GRK1: variants seen among roughly 807,000 people sequenced by gnomAD.
GRK1 encodes the protein rhodopsin kinase GRK1.
GRK1 carries 28 observed loss-of-function variants against 41.7 expected under a neutral mutation model. The observed-to-expected ratio is 0.67, with a 90% CI of 0.50 to 0.92. The LOEUF (loss-of-function observed/expected upper bound fraction) is 0.92, where lower values mean the gene tolerates loss of function less well. Among genes scored for constraint, GRK1 ranks in the 40% least tolerant of loss-of-function variants. GRK1 has a pLI of 0.00. For synonymous variants in GRK1, 327 were observed against 286.7 expected (o/e 1.14, Z -1.42); for missense variants, 703 against 671.2 (o/e 1.05, Z -0.52).
chr13:113,671,748 G>A lies in GRK1; in HGVS notation c.985+92G>A. Reference sequence around the variant, plus strand: ...GTCTCTGCACAACCTCACGAGGGCTGACGGCTGTGTGGACGGTGGGGGTTC... The same window carrying A: ...GTCTCTGCACAACCTCACGAGGGCTAACGGCTGTGTGGACGGTGGGGGTTC... On this transcript the variant is annotated intron_variant, in intron 3 of 6. Transcript: ENST00000335678. The surrounding 1 kb of genome is among the most constrained non-coding windows in gnomAD (Gnocchi z 4.1). The A allele has an allele frequency of 1.4e-6, 1 of 691,582 alleles. No homozygotes were observed. The highest frequency in any genetic ancestry group is 2.7e-5 in the East Asian group (1 of 37,020). The allele number at this position is 691,582 out of a possible 1,614,324, so 42.8% of individuals were successfully genotyped here.
In GRK1 at chr13:113,727,997, T is replaced by TGAG. The variant is rs745848296; in HGVS notation, c.1070-3221_1070-3219dup. On this transcript the variant is annotated intron_variant, in intron 4 of 6. Transcript: ENST00000335678. Reference sequence around the variant, plus strand: ...TGGCGATGAGGAGTACCCATGGCGATGAGTACCCATGGCGATGAGGAGTAC... The same window carrying TGAG: ...TGGCGATGAGGAGTACCCATGGCGATGAGGAGTACCCATGGCGATGAGGAGTAC... Among the ~76,000 whole-genome samples, 41 of 31,628 alleles carry TGAG rather than the reference T, an allele frequency of 1.3e-3. 2 individuals carry two copies. The highest frequency in any genetic ancestry group is 1.8e-3 in the Admixed American group (4 of 2,268). The allele number at this position is 31,628 out of a possible 152,430, so 20.7% of individuals were successfully genotyped here.
the GRK1 span, among the ~76,000 whole-genome samples, chr13:113,656,940 C>A: frequency 3.3e-5 from 5 of 152,156 alleles, no homozygotes; most frequent in Admixed American, 3.3e-4. Flanking sequence ...CCCGCTCTGC[C>A]GCCCCGCCTG....
intron 3 of GRK1, among the ~76,000 whole-genome samples, chr13:113,672,291 C>CT (rs1203814141): frequency 6.9e-6 from 1 of 144,742 alleles, no homozygotes; most frequent in Admixed American, 6.9e-5. Flanking sequence ...GTGTGTAAGT[C>CT]TGACTGGGGT....
rs550074734 is a variant in GRK1 at position 113,733,832 on chromosome 13, C to G, written c.1396+747C>G. Among the ~76,000 whole-genome samples, 7 of 105,666 alleles carry G rather than the reference C, an allele frequency of 6.6e-5. No individual in the cohort carries two copies. In the South Asian group the frequency reaches 2.4e-3, roughly 37 times the overall value. 69.3% of individuals were successfully genotyped at this position (105,666 alleles called of 152,430 possible). A position where few individuals can be genotyped will look rare whatever the true frequency, so the allele number is the denominator to read the frequency against. On this transcript the variant is annotated intron_variant, in intron 6 of 6. Transcript: ENST00000335678. ...GTGCATACGTGTGTGCGTGTGTGTG[C>G]ACGTGCGTGTGCATGTGTATGTGTG...
chr13:113,662,043 C>A, the GRK1 span, among the ~76,000 whole-genome samples: 1 of 152,138 alleles, frequency 6.6e-6, no homozygotes, highest in Non-Finnish European at 1.5e-5. Context: ...AGATCAATAT[C>A]CCTCATGAAT....
At chr13:113,656,287 G>A in the GRK1 span, among the ~76,000 whole-genome samples, 2 of 152,268 alleles carry the variant, frequency 1.3e-5, no homozygotes, top group Non-Finnish European at 2.9e-5. Context: ...CGCTCGTGAC[G>A]GCAGGGGTCT....
intron 4 of GRK1, among the ~76,000 whole-genome samples, chr13:113,727,977 AT>A: frequency 1.1e-5 from 1 of 88,856 alleles, no homozygotes; most frequent in East Asian, 3.5e-4. Context: ...ACCCATGGCG[AT>A]GAGGAGTACC....
rs146857547 is a variant in GRK1 at position 113,734,235 on chromosome 13, C to T, written c.1397-833C>T. 4.4e-4 allele frequency among the ~76,000 whole-genome samples: 67 copies of T among 152,306 alleles called. 1 individual carries two copies. In the East Asian group the frequency reaches 8.5e-3, roughly 19 times the overall value. On this transcript the variant is annotated intron_variant, in intron 6 of 6. Transcript: ENST00000335678. ...GACCCCCCAAACGAGAAGTCGCTTT[C>T]GTATGTTAGGGTCACAGCAGTGACT...
chr13:113,648,557 A>G, the GRK1 span, among the ~76,000 whole-genome samples: 1 of 152,218 alleles, frequency 6.6e-6, no homozygotes, highest in African/African-American at 2.4e-5. Context: ...GTTTGGGAGA[A>G]TGTTCTCATT....
chr13:113,654,514 C>T, the GRK1 span, among the ~76,000 whole-genome samples: 1 of 152,230 alleles, frequency 6.6e-6, no homozygotes, highest in Non-Finnish European at 1.5e-5. Context: ...ATAACAAAAC[C>T]CTTCTGTTTC....
Position 113,735,289 on chromosome 13 carries a change from A to T in GRK1, c.1618A>T (p.Met540Leu), listed in dbSNP as rs953215841. 10 of 1,535,582 alleles carry T rather than the reference A, an allele frequency of 6.5e-6. No homozygotes were observed. Among genetic ancestry groups the T allele is most frequent in the Non-Finnish European group, 8.7e-6 (10 of 1,145,810 alleles). Residue 540 changes from methionine (M) to leucine (L), a missense_variant, in exon 7 of 7, where the codon ATG becomes TTG. Coordinates refer to ENST00000335678, the MANE Select transcript of GRK1 (RefSeq NM_002929.3). ...GAACGTGTGGCGCTCGGACGGTCAG[A>T]TGCCGGACGACATGAAGGGCATCTC... ...ELNVWRSDGQ[M>L]PDDMKGISGG...
chr13:113,653,802 G>T, the GRK1 span, among the ~76,000 whole-genome samples: 1 of 152,242 alleles, frequency 6.6e-6, no homozygotes, highest in Non-Finnish European at 1.5e-5. Context: ...ACTGGTTTTG[G>T]TTAAGAACAA....
At chr13:113,733,884 TGTGTGCGTGTGTGTATGTGTGCATACA>T (rs1320380346) in intron 6 of GRK1, among the ~76,000 whole-genome samples, 34 of 99,096 alleles carry the variant, frequency 3.4e-4, no homozygotes, top group Admixed American at 5.5e-4. Context: ...TGTGCATACG[TGTGTGCGTGTGTGTATGTGTGCATACA>T]GTGTGCGTGT....
At chr13:113,723,800 GCA>G (rs1160179772) in intron 4 of GRK1, among the ~76,000 whole-genome samples, 2 of 151,416 alleles carry the variant, frequency 1.3e-5, no homozygotes, top group Admixed American at 6.6e-5. Context: ...CTGTGTGCCT[GCA>G]TGTGTGCCTG....
chr13:113,666,141 G>A (rs548980225), upstream of GRK1, among the ~76,000 whole-genome samples: 1 of 136,122 alleles, frequency 7.3e-6, no homozygotes, highest in South Asian at 2.3e-4. Flanking sequence ...CCCCCGGTGT[G>A]TCTCAGGTGG....
the GRK1 span, chr13:113,654,864 T>C: frequency 5.0e-6 from 8 of 1,613,748 alleles, no homozygotes; most frequent in Non-Finnish European, 6.8e-6. Flanking sequence ...GTCCACTGTC[T>C]GCATCAGCAC....
intron 2 of GRK1, among the ~76,000 whole-genome samples, chr13:113,670,760 C>T (rs2049851355): frequency 2.4e-5 from 3 of 125,818 alleles, no homozygotes; most frequent in African/African-American, 6.1e-5. Flanking sequence ...ACACGGGGTG[C>T]CCAGGCGGAG....
chr13:113,653,220 C>T, the GRK1 span: 1 of 1,334,056 alleles, frequency 7.5e-7, no homozygotes, highest in Non-Finnish European at 1.0e-6. Context: ...TCACCTGCTG[C>T]TTCACACCTC....
intron 4 of GRK1, among the ~76,000 whole-genome samples, chr13:113,730,017 C>T (rs1302523393): frequency 6.6e-6 from 1 of 151,070 alleles, no homozygotes; most frequent in Non-Finnish European, 1.5e-5. Context: ...TCCCTTCATC[C>T]TGACACAGTC....
Sources: gnomAD v4.1 joint callset for allele counts (sites outside exome capture counted in the v4.1 genomes callset) on GRCh38, gnomAD v4.1.1 for gene constraint, Gnocchi (gnomAD v3.1) non-coding constraint, MANE v1.5 for transcripts, NCBI Gene and HGNC (gene_info 2026-07-23, HGNC 2026-07-21) for gene names.